Variants in NUMB observed in about 807,000 individuals in gnomAD.
NUMB encodes the protein NUMB endocytic adaptor protein.
In NUMB, 29 loss-of-function variants were observed where a neutral mutation model predicts 59.7. The ratio of observed to expected loss-of-function variants is 0.49; its 90% confidence interval spans 0.36 to 0.66. The LOEUF is 0.66. NUMB is among the 30% of genes least tolerant of loss of function. NUMB has a pLI of 0.00. For missense variants in NUMB, 723 were observed against 822.0 expected, an observed-to-expected ratio of 0.88 and a Z score of 1.47; for synonymous variants, 288 against 288.2, an observed-to-expected ratio of 1.00 and a Z score of 0.01.
chr14:73,392,572 T>C (rs1895904646), intron 2 of NUMB, among the ~76,000 whole-genome samples: 1 of 152,248 alleles, frequency 6.6e-6, no homozygotes, highest in African/African-American at 2.4e-5. Context: ...ATTAGACAGT[T>C]GTGCCTTAGT....
At chr14:73,437,618 C>T (rs1898113595) in intron 1 of NUMB, among the ~76,000 whole-genome samples, 1 of 152,162 alleles carries the variant, frequency 6.6e-6, no homozygotes, top group African/African-American at 2.4e-5. Flanking sequence ...TACTGATTAA[C>T]ACAATAACAT....
At chr14:73,455,430 C>T (rs970835749) in intron 1 of NUMB, among the ~76,000 whole-genome samples, 4 of 152,156 alleles carry the variant, frequency 2.6e-5, no homozygotes, top group Non-Finnish European at 5.9e-5. Flanking sequence ...TTTAAAAACA[C>T]GCTGTAAATT....
At chr14:73,305,291 C>T (rs113174327) in intron 6 of NUMB, among the ~76,000 whole-genome samples, 1,614 of 152,120 alleles carry the variant, frequency 0.011, 18 homozygotes, top group Admixed American at 0.018. Context: ...CCATAGTTTG[C>T]GACATCTGAT....
chr14:73,305,052 C>A (rs1890349595), intron 6 of NUMB, among the ~76,000 whole-genome samples: 3 of 152,216 alleles, frequency 2.0e-5, no homozygotes, highest in African/African-American at 7.2e-5. Context: ...CAGGTGTGAG[C>A]TACCGCGCCT....
At chr14:73,423,628 A>G (rs993645947) in intron 1 of NUMB, among the ~76,000 whole-genome samples, 2 of 151,578 alleles carry the variant, frequency 1.3e-5, no homozygotes, top group African/African-American at 4.8e-5. Context: ...GCATCAGAGC[A>G]AGATTCTGTC....
At chr14:73,355,367 A>T (rs145569413) in intron 4 of NUMB, among the ~76,000 whole-genome samples, 1 of 152,218 alleles carries the variant, frequency 6.6e-6, no homozygotes, top group Non-Finnish European at 1.5e-5. Context: ...TAGTATTCTT[A>T]TCAGAATATT....
At chr14:73,311,343 C>T (rs577165505) in intron 6 of NUMB, among the ~76,000 whole-genome samples, 2 of 152,264 alleles carry the variant, frequency 1.3e-5, no homozygotes, top group African/African-American at 4.8e-5. Flanking sequence ...CATGAGCCAC[C>T]GTGCCCGGCC....
chr14:73,438,496 T>C (rs1195603335), intron 1 of NUMB, among the ~76,000 whole-genome samples: 2 of 151,964 alleles, frequency 1.3e-5, no homozygotes, highest in Non-Finnish European at 2.9e-5. Context: ...CCAGGTGTGC[T>C]GACGCACATC....
At chr14:73,426,254 CA>C (rs1897571290) in intron 1 of NUMB, among the ~76,000 whole-genome samples, 1 of 152,110 alleles carries the variant, frequency 6.6e-6, no homozygotes, top group African/African-American at 2.4e-5. Flanking sequence ...ATAGCTGGCT[CA>C]AAAAATAATG....
chr14:73,421,500 A>C (rs540772287), intron 1 of NUMB, among the ~76,000 whole-genome samples: 8 of 152,272 alleles, frequency 5.3e-5, no homozygotes, highest in Middle Eastern at 3.4e-3. Flanking sequence ...TTTTAATAAA[A>C]TATTTTAATA....
At chr14:73,337,183 G>C (rs1033707979) in intron 4 of NUMB, among the ~76,000 whole-genome samples, 6 of 151,974 alleles carry the variant, frequency 3.9e-5, no homozygotes, top group Admixed American at 3.3e-4. Context: ...GAAAACTTTT[G>C]CTAAAGTTCA....
chr14:73,455,720 A>G (rs1193532490), intron 1 of NUMB, among the ~76,000 whole-genome samples: 1 of 152,190 alleles, frequency 6.6e-6, no homozygotes, highest in Non-Finnish European at 1.5e-5. Flanking sequence ...TAAAAAGGAA[A>G]TATCTTTTCA....
chr14:73,311,617 G>A (rs531637711), intron 6 of NUMB, among the ~76,000 whole-genome samples: 2 of 152,240 alleles, frequency 1.3e-5, no homozygotes, highest in Admixed American at 6.5e-5. Flanking sequence ...ATTCAGAATC[G>A]GGGCAAACAA....
chr14:73,332,485 CTCAGATGA>C (rs1208661068), intron 4 of NUMB, among the ~76,000 whole-genome samples: 1 of 151,880 alleles, frequency 6.6e-6, no homozygotes, highest in Non-Finnish European at 1.5e-5. Flanking sequence ...AACTCCTGAC[CTCAGATGA>C]TCAGATGATC....
chr14:73,412,856 C>A (rs1235968209), intron 1 of NUMB, among the ~76,000 whole-genome samples: 2 of 151,818 alleles, frequency 1.3e-5, no homozygotes. Flanking sequence ...CTTCAAACTC[C>A]AGGCCTCAAG....
intron 1 of NUMB, among the ~76,000 whole-genome samples, chr14:73,433,259 T>C (rs1897911421): frequency 6.6e-6 from 1 of 150,942 alleles, no homozygotes; most frequent in Admixed American, 6.6e-5. Flanking sequence ...CCGTCTCTAC[T>C]GAAAATACAA....
chr14:73,399,302 G>A lies in NUMB; in HGVS notation c.-101+10635C>T, dbSNP rs111620845. On this transcript the variant is annotated intron_variant, in intron 2 of 12. Coordinates refer to ENST00000555238, the MANE Select transcript of NUMB (RefSeq NM_001005743.2). ...GCCAGAGCCGGGCACAGCGGCTCAC[G>A]CCTATAATCCTGGCACTTCGGGAGG... Among the ~76,000 whole-genome samples the A allele has an allele frequency of 4.6e-5, 7 of 152,304 alleles. No individual in the cohort carries two copies. The South Asian group carries it at 6.2e-4, about 14-fold the overall frequency.
At chr14:73,431,063 C>T (rs1374079385) in intron 1 of NUMB, among the ~76,000 whole-genome samples, 1 of 149,652 alleles carries the variant, frequency 6.7e-6, no homozygotes, top group Non-Finnish European at 1.5e-5. Flanking sequence ...GCTCAAGCAA[C>T]CCTCCCACAT....
At chr14:73,426,145 G>A (rs572453454) in intron 1 of NUMB, among the ~76,000 whole-genome samples, 1 of 152,218 alleles carries the variant, frequency 6.6e-6, no homozygotes, top group South Asian at 2.1e-4. Context: ...GGCTTTGAAA[G>A]AAGGCAAGAT....
Sources: allele counts gnomAD v4.1 joint callset (sites outside exome capture counted in the v4.1 genomes callset), GRCh38; gene constraint gnomAD v4.1.1; transcripts MANE v1.5; gene names NCBI Gene and HGNC (gene_info 2026-07-23, HGNC 2026-07-21).